GRIP2: variants seen among roughly 807,000 people sequenced by gnomAD.
The protein encoded by GRIP2 is glutamate receptor-interacting protein 2.
Under a neutral mutation model 108.3 loss-of-function variants are expected in GRIP2, and 58 were observed. That is an observed-to-expected ratio of 0.54 (90% CI 0.43 to 0.67). GRIP2 has a LOEUF of 0.67. GRIP2 is among the 30% of genes least tolerant of loss of function. GRIP2 has a pLI of 0.00. For synonymous variants in GRIP2, 586 were observed against 598.2 expected (o/e 0.98, Z 0.30); for missense variants, 1,278 against 1,430.6 (o/e 0.89, Z 1.72).
At chr3:14,498,292 C>T (rs1693671130) in intron 21 of GRIP2, among the ~76,000 whole-genome samples, 1 of 152,040 alleles carries the variant, frequency 6.6e-6, no homozygotes, top group Non-Finnish European at 1.5e-5. Context: ...GCCAGACAAC[C>T]TCTCTACAAA....
chr3:14,494,976 T>C lies in GRIP2; in HGVS notation c.2837A>G (p.Lys946Arg). The part of the protein sequence containing the change: ...PLEMHKVTLH[K>R]DPMRHDFGFS... The stretch of plus-strand genomic sequence containing the variant: ...ACCAAAGTCATGCCGCATGGGGTCC[T>C]TGTGCAGGGTCACCTGGAAGCAGAA... The change falls in exon 23 of 24, where the codon AAG becomes AGG. Residue 946 changes from lysine to arginine, a missense_variant. Transcript: ENST00000621039. The C allele has an allele frequency of 1.9e-6, 3 of 1,613,828 alleles. No individual in the cohort carries two copies. The highest frequency in any genetic ancestry group is 2.5e-6 in the Non-Finnish European group (3 of 1,179,778).
chr3:14,588,657 G>A, the GRIP2 span, among the ~76,000 whole-genome samples: 14,708 of 152,206 alleles, frequency 0.097, 1,179 homozygotes, highest in African/African-American at 0.22. Flanking sequence ...GCTCAGTTCC[G>A]TCAGCACAGA....
At chr3:14,552,046 C>G (rs147314581) in intron 1 of GRIP2, among the ~76,000 whole-genome samples, 323 of 152,096 alleles carry the variant, frequency 2.1e-3, no homozygotes, top group African/African-American at 7.6e-3. Context: ...AGAGTTTATC[C>G]TTGTCTTCTT....
chr3:14,567,209 C>G, the GRIP2 span, among the ~76,000 whole-genome samples: 1 of 152,196 alleles, frequency 6.6e-6, no homozygotes, highest in Non-Finnish European at 1.5e-5. Flanking sequence ...AAGGCTAGGA[C>G]TCATACCCAG....
At chr3:14,544,089 G>A (rs187856894), upstream of GRIP2, among the ~76,000 whole-genome samples, 1 of 152,208 alleles carries the variant, frequency 6.6e-6, no homozygotes, top group Middle Eastern at 3.2e-3. Context: ...ACATGCCCAG[G>A]TTCGAATCCC....
rs1270892295 is a variant in GRIP2, at chr3:14,505,073, T to C, written c.2573+542A>G. ...TTTGAGCTGAGTTTTGAGGGATGAG[T>C]AGGGATTTGCCAGGAGAGACCAGGG... On this transcript the variant is annotated intron_variant, in intron 20 of 23. Coordinates refer to ENST00000621039, the MANE Select transcript of GRIP2 (RefSeq NM_001080423.4). This position sits in a 1 kb window ranked among gnomAD's most constrained non-coding sequence, Gnocchi z 4.2. 2.7e-5 allele frequency among the ~76,000 whole-genome samples: 4 copies of C among 150,808 alleles called. No homozygotes were observed. Among genetic ancestry groups the C allele is most frequent in the Non-Finnish European group, 4.4e-5 (3 of 67,658 alleles).
Position 14,514,390 on chromosome 3 carries a change from G to C in GRIP2, c.1395C>G (p.Ser465Arg). 6.4e-7 allele frequency: 1 copy of C among 1,574,324 alleles called. No homozygotes were observed. The highest frequency in any genetic ancestry group is 8.6e-7 in the Non-Finnish European group (1 of 1,161,192). ...TEVVLCGDPL[S>R]GFGLQLQGGI... ...CGCCCTGGAGCTGGAGGCCAAAGCC[G>C]CTGAGGGGGTCTCCACAGAGCACGA... The change falls in exon 12 of 24, where the codon AGC becomes AGG. Residue 465 changes from serine (S) to arginine (R), a missense_variant. Transcript: ENST00000621039.
At position 14,493,718 on chromosome 3, in the gene GRIP2, G is replaced by C; in HGVS notation, c.3079C>G (p.His1027Asp). ...GGCGATCGGGGGGCCCGGCTGCTGT[G>C]TGCCGTGTGCGGCTTGCGGCTGATG... Reference protein sequence around the residue: ...LIISRKPHTAHSSRAPRSPGP... With the variant: ...LIISRKPHTADSSRAPRSPGP... Residue 1027 changes from histidine (H) to aspartate (D), a missense_variant, in exon 24 of 24, where the codon CAC becomes GAC. By Grantham distance (81) the His-to-Asp change is moderately conservative (BLOSUM62 -1). Transcript: ENST00000621039. 2 of 1,610,878 alleles carry C rather than the reference G, an allele frequency of 1.2e-6. No homozygotes were observed. The highest frequency in any genetic ancestry group is 2.7e-5 in the African/African-American group (2 of 75,040).
At chr3:14,597,878 T>C in the GRIP2 span, among the ~76,000 whole-genome samples, 2 of 152,198 alleles carry the variant, frequency 1.3e-5, no homozygotes, top group Non-Finnish European at 2.9e-5. Flanking sequence ...TTTGCATTTT[T>C]TGGAGGTACA....
the GRIP2 span, among the ~76,000 whole-genome samples, chr3:14,589,216 T>C: frequency 6.6e-6 from 1 of 152,096 alleles, no homozygotes; most frequent in South Asian, 2.1e-4. Flanking sequence ...CTTTAAAAAA[T>C]ACAAATGTAC....
At chr3:14,545,899 C>T (rs1695050894), upstream of GRIP2, among the ~76,000 whole-genome samples, 1 of 152,182 alleles carries the variant, frequency 6.6e-6, no homozygotes, top group African/African-American at 2.4e-5. Context: ...GCAGGCAGAC[C>T]CTCCTTTCTT....
chr3:14,578,835 C>A, the GRIP2 span, among the ~76,000 whole-genome samples: 1 of 126,982 alleles, frequency 7.9e-6, no homozygotes, highest in East Asian at 2.3e-4. Flanking sequence ...CACATGGTGA[C>A]CCAGGCCAGC....
chr3:14,574,222 T>A, the GRIP2 span: 1 of 868,464 alleles, frequency 1.2e-6, no homozygotes, highest in Non-Finnish European at 2.0e-6. Flanking sequence ...TGGCTGTCCA[T>A]GTCCTCGATC....
At chr3:14,599,681 C>CTGTGTG in the GRIP2 span, among the ~76,000 whole-genome samples, 968 of 130,490 alleles carry the variant, frequency 7.4e-3, 1 homozygote, top group African/African-American at 0.018. Context: ...CTCTCTCTCT[C>CTGTGTG]TCTCTGTGTG....
chr3:14,531,795 G>A (rs1694716869), intron 1 of GRIP2, among the ~76,000 whole-genome samples: 1 of 152,210 alleles, frequency 6.6e-6, no homozygotes, highest in Non-Finnish European at 1.5e-5. Context: ...CATCGAGCGG[G>A]TTATGTTTTT....
At chr3:14,496,713 G>T (rs944262336) in intron 21 of GRIP2, among the ~76,000 whole-genome samples, 153 bp from the exon 22 acceptor site, 5 of 152,212 alleles carry the variant, frequency 3.3e-5, no homozygotes, top group African/African-American at 1.2e-4. Context: ...GTCCAACAGC[G>T]GTGGAGTGGG....
chr3:14,569,448 G>A, the GRIP2 span, among the ~76,000 whole-genome samples: 3 of 152,166 alleles, frequency 2.0e-5, no homozygotes, highest in Non-Finnish European at 2.9e-5. Context: ...GGAGTCCCAG[G>A]GAGGCCTAGG....
rs1490560253 is a variant in GRIP2 at position 14,520,438 on chromosome 3, T to G, written c.812A>C (p.Lys271Thr). Residue 271 changes from lysine (K) to threonine (T), a missense_variant, in exon 8 of 24, where the codon AAG (lysine) becomes ACG (threonine). Coordinates refer to ENST00000621039, the MANE Select transcript of GRIP2 (RefSeq NM_001080423.4). ...GATGCGGTCGATGGTAATGACTGAC[T>G]TGTTCCGGAGGGAGGTGGTGGTGAG... The part of the protein sequence containing the change: ...ISLTTTSLRN[K>T]SVITIDRIKP... 21 of 1,613,608 alleles carry G rather than the reference T, an allele frequency of 1.3e-5. No homozygotes were observed. The highest frequency in any genetic ancestry group is 1.7e-5 in the Non-Finnish European group (20 of 1,179,794).
intron 23 of GRIP2, 134 bp from the exon 24 acceptor site, chr3:14,493,960 C>G: frequency 1.3e-6 from 1 of 792,286 alleles, no homozygotes; most frequent in Non-Finnish European, 1.9e-6. Context: ...ACCAGCACCA[C>G]ACACAGAGGA....
Sources: gnomAD v4.1 joint callset for allele counts (sites outside exome capture counted in the v4.1 genomes callset) on GRCh38, gnomAD v4.1.1 for gene constraint, Gnocchi (gnomAD v3.1) non-coding constraint, MANE v1.5 for transcripts, NCBI Gene and HGNC (gene_info 2026-07-23, HGNC 2026-07-21) for gene names.